Variants in CYP4F22 observed in about 807,000 individuals in gnomAD.
CYP4F22 encodes ultra-long-chain fatty acid omega-hydroxylase.
Under a neutral mutation model 60.4 loss-of-function variants are expected in CYP4F22, and 37 were observed. The ratio of observed to expected loss-of-function variants is 0.61; its 90% CI spans 0.47 to 0.81. CYP4F22 has a LOEUF of 0.81. CYP4F22 is among the 30% of genes least tolerant of loss of function. The pLI is 0.00. For missense variants in CYP4F22, 655 were observed against 715.0 expected (o/e 0.92, Z 0.96); for synonymous variants, 258 against 280.5 (o/e 0.92, Z 0.80).
At chr19:15,510,055 C>T (rs569157139) in intron 1 of CYP4F22, among the ~76,000 whole-genome samples, 1 of 151,812 alleles carries the variant, frequency 6.6e-6, no homozygotes, top group South Asian at 2.1e-4. Context: ...AATCATAGCT[C>T]ACTGCAGCCT....
In CYP4F22 at chr19:15,537,975, A is replaced by G. The variant is rs1422130987; in HGVS notation, c.653A>G (p.Tyr218Cys). ...LDSLQKCVFS[Y>C]NSNCQEKMSD... ...AGTCTTCAGAAATGTGTCTTCAGCT[A>G]CAACAGCAACTGCCAAGAGTGAGTG... is the stretch of plus-strand genomic sequence containing the variant. The change falls in exon 7 of 14, where the codon TAC (tyrosine) becomes TGC (cysteine). Residue 218 changes from tyrosine (Y) to cysteine (C), a missense_variant. Around this residue, in one of 3 missense-constraint regions of CYP4F22, gnomAD observed 430 missense variants for 457.1 expected, o/e 0.94. Coordinates refer to ENST00000269703, the MANE Select transcript of CYP4F22 (RefSeq NM_173483.4). 6.2e-7 allele frequency: 1 copy of G among 1,614,178 alleles called. No homozygotes were observed. The highest frequency in any genetic ancestry group is 1.7e-5 in the Admixed American group (1 of 60,024).
chr19:15,516,281 T>C (rs1971154334), intron 1 of CYP4F22, among the ~76,000 whole-genome samples: 1 of 152,244 alleles, frequency 6.6e-6, no homozygotes, highest in Admixed American at 6.5e-5. Flanking sequence ...GCCCATGCCC[T>C]TTCCTTATTT....
chr19:15,547,815 T>A (rs1971543581), intron 10 of CYP4F22, among the ~76,000 whole-genome samples: 1 of 147,184 alleles, frequency 6.8e-6, no homozygotes, highest in Non-Finnish European at 1.5e-5. Context: ...AGAGCGAAAC[T>A]CGGTCTTAAA....
At chr19:15,542,169 A>T (rs1971470102) in intron 8 of CYP4F22, among the ~76,000 whole-genome samples, 1 of 151,868 alleles carries the variant, frequency 6.6e-6, no homozygotes, top group Non-Finnish European at 1.5e-5. Context: ...TCTTCTCCTC[A>T]CTGTTGACTT....
Position 15,551,406 on chromosome 19 carries a change from G to A in CYP4F22, c.1531G>A (p.Glu511Lys). The change falls in exon 14 of 14, where the codon GAG becomes AAG. Residue 511 changes from glutamate (E) to lysine (K), a missense_variant. This residue lies in a region of CYP4F22 where 151 missense variants were observed against 139.4 expected (regional missense o/e 1.08). Coordinates refer to ENST00000269703, the MANE Select transcript of CYP4F22 (RefSeq NM_173483.4). ...AACGCGCAAGGTGCGGCGGAAGCCG[G>A]AGCTCATACTGCGCACGGAGAACGG... Reference protein sequence around the residue: ...DRTRKVRRKPELILRTENGLW... With the variant: ...DRTRKVRRKPKLILRTENGLW... The A allele has an allele frequency of 6.2e-7, 1 of 1,602,504 alleles. No individual in the cohort carries two copies.
chr19:15,509,734 C>T (rs985256290), intron 1 of CYP4F22, among the ~76,000 whole-genome samples: 31 of 152,222 alleles, frequency 2.0e-4, no homozygotes, highest in African/African-American at 6.0e-4. Flanking sequence ...CACCAAATGG[C>T]CCAGCTTGGG....
chr19:15,529,994 A>T, intron 4 of CYP4F22, 141 bp downstream of exon 4: 1 of 1,202,306 alleles, frequency 8.3e-7, no homozygotes, highest in South Asian at 1.3e-5. Context: ...CAAAGCAAGC[A>T]TGGCAATCCA....
chr19:15,545,067 C>G (rs1971505487), intron 10 of CYP4F22, among the ~76,000 whole-genome samples: 1 of 150,460 alleles, frequency 6.6e-6, no homozygotes, highest in Non-Finnish European at 1.5e-5. Flanking sequence ...GTCCCCACCC[C>G]CCCACAAAAA....
At position 15,537,985 on chromosome 19, in the gene CYP4F22, CT is replaced by C. The variant is rs778308984; in HGVS notation, c.664del (p.Cys222AlafsTer5). The C allele has an allele frequency of 1.9e-6, 3 of 1,614,014 alleles. No individual in the cohort carries two copies. The African/African-American group carries it at 4.0e-5, about 22-fold the overall frequency. On this transcript the variant is annotated frameshift_variant, in exon 7 of 14. Coordinates refer to ENST00000269703, the MANE Select transcript of CYP4F22 (RefSeq NM_173483.4). LOFTEE classifies it high-confidence loss of function. ...AATGTGTCTTCAGCTACAACAGCAACTGCCAAGAGTGAGTGTGACCCTTCTT... is the reference window on the plus strand; with the variant it reads ...AATGTGTCTTCAGCTACAACAGCAACGCCAAGAGTGAGTGTGACCCTTCTT... ...QKCVFSYNSN[C>X]QEKMSDYISA...
intron 8 of CYP4F22, among the ~76,000 whole-genome samples, chr19:15,542,775 G>C (rs1311974666): frequency 6.6e-6 from 1 of 151,960 alleles, no homozygotes; most frequent in African/African-American, 2.4e-5. Context: ...TCATTGTTCA[G>C]CTCCCACTTA....
At chr19:15,522,215 A>C (rs1354226606) in intron 1 of CYP4F22, among the ~76,000 whole-genome samples, 1 of 150,966 alleles carries the variant, frequency 6.6e-6, no homozygotes, top group East Asian at 1.9e-4. Flanking sequence ...CAATTTGTTC[A>C]CATCCTCAAC....
chr19:15,534,230 A>C (rs1375678576), intron 4 of CYP4F22, among the ~76,000 whole-genome samples: 2 of 152,252 alleles, frequency 1.3e-5, no homozygotes, highest in African/African-American at 2.4e-5. Context: ...TGAGTCTTAT[A>C]GGGATGCCAT....
intron 1 of CYP4F22, among the ~76,000 whole-genome samples, chr19:15,510,579 G>C (rs944034034): frequency 6.6e-6 from 1 of 152,142 alleles, no homozygotes; most frequent in South Asian, 2.1e-4. Flanking sequence ...ACTTGGGATG[G>C]TGGGCAGAAA....
chr19:15,514,172 T>G (rs945521012), intron 1 of CYP4F22, among the ~76,000 whole-genome samples: 4 of 152,220 alleles, frequency 2.6e-5, no homozygotes, highest in Admixed American at 6.5e-5. Context: ...GTGGGAGACT[T>G]ATTCAAGGTT....
At chr19:15,545,678 A>T (rs8107862) in intron 10 of CYP4F22, among the ~76,000 whole-genome samples, 49,717 of 99,330 alleles carry the variant, frequency 0.5, 13,130 homozygotes, top group South Asian at 0.62. Context: ...AAAAGAAAAG[A>T]AAAGAAAAGA....
At chr19:15,544,540 C>G (rs1400788543) in intron 10 of CYP4F22, among the ~76,000 whole-genome samples, 1 of 152,192 alleles carries the variant, frequency 6.6e-6, no homozygotes, top group Non-Finnish European at 1.5e-5. Context: ...TGGTTTACAG[C>G]AAGCATTTGT....
chr19:15,513,366 T>A (rs1231557347), intron 1 of CYP4F22, among the ~76,000 whole-genome samples: 4,898 of 124,872 alleles, frequency 0.039, 115 homozygotes, highest in African/African-American at 0.084. Flanking sequence ...TATATATTTT[T>A]TTTTTTTTTT....
chr19:15,548,327 C>T, intron 11 of CYP4F22, 86 bp downstream of exon 11: 5 of 1,584,650 alleles, frequency 3.2e-6, no homozygotes, highest in East Asian at 2.2e-5. Flanking sequence ...GCTATGCCTG[C>T]CCCAGGTGCA....
At chr19:15,527,416 A>G (rs1366257138) in intron 3 of CYP4F22, among the ~76,000 whole-genome samples, 9 of 152,198 alleles carry the variant, frequency 5.9e-5, no homozygotes, top group Non-Finnish European at 1.3e-4. Flanking sequence ...GGCCTTTCCC[A>G]AAACTGTACT....
Sources: allele counts gnomAD v4.1 joint callset (sites outside exome capture counted in the v4.1 genomes callset), GRCh38; gene constraint gnomAD v4.1.1; regional missense constraint gnomAD v4.1.1; transcripts MANE v1.5; gene names NCBI Gene and HGNC (gene_info 2026-07-23, HGNC 2026-07-21).